The following PPM1L variants were observed in gnomAD, a reference collection of about 807,000 sequenced individuals.
PPM1L encodes protein phosphatase 1L.
Under a neutral mutation model 31.4 loss-of-function variants are expected in PPM1L, and 13 were observed. The ratio of observed to expected loss-of-function variants is 0.41; its 90% CI spans 0.27 to 0.66. PPM1L has a LOEUF of 0.66. PPM1L is among the 30% of genes least tolerant of loss of function. The pLI is 0.29. For synonymous variants in PPM1L, 184 were observed against 175.4 expected (o/e 1.05, Z -0.39); for missense variants, 326 against 453.7 (o/e 0.72, Z 2.56).
Position 161,036,158 on chromosome 3 carries a change from C to T in PPM1L, c.575-29245C>T, listed in dbSNP as rs553657172. On this transcript the variant is annotated intron_variant, in intron 2 of 3. Coordinates refer to ENST00000498165, the MANE Select transcript of PPM1L (RefSeq NM_139245.4). ...GAATAGCAGTTCCTCCTTGATCATC[C>T]TCTTCATATGGTATAATCACTAACT... is the stretch of plus-strand genomic sequence containing the variant. 2.6e-5 allele frequency: 4 copies of T among 152,252 alleles called. No individual in the cohort carries two copies. The South Asian group carries it at 8.3e-4, about 32-fold the overall frequency. The allele number at this position is 152,252 out of a possible 1,614,324, so 9.4% of individuals were successfully genotyped here.
intron 1 of PPM1L, among the ~76,000 whole-genome samples, chr3:160,868,028 A>G (rs867212109): frequency 1.6e-4 from 24 of 152,336 alleles, no homozygotes; most frequent in African/African-American, 5.5e-4. Flanking sequence ...GTGATGAAGA[A>G]ATATTAGCCT....
intron 1 of PPM1L, among the ~76,000 whole-genome samples, chr3:160,960,594 G>A (rs895685664): frequency 3.6e-5 from 3 of 84,320 alleles, no homozygotes; most frequent in African/African-American, 1.1e-4. Flanking sequence ...GTGTGTGTGT[G>A]TGTGTGTGAA....
chr3:160,987,452 A>G (rs1268827339), intron 2 of PPM1L, among the ~76,000 whole-genome samples: 2 of 152,236 alleles, frequency 1.3e-5, no homozygotes, highest in African/African-American at 2.4e-5. Flanking sequence ...ATATTTCACT[A>G]TACCCAAACT....
At chr3:160,813,083 G>A (rs938387524) in intron 1 of PPM1L, among the ~76,000 whole-genome samples, 1 of 152,086 alleles carries the variant, frequency 6.6e-6, no homozygotes, top group East Asian at 1.9e-4. Context: ...AGAAAACCCT[G>A]TTTTCTGGAT....
intron 1 of PPM1L, among the ~76,000 whole-genome samples, chr3:160,823,942 A>G (rs1445679950): frequency 6.6e-6 from 1 of 152,178 alleles, no homozygotes; most frequent in Non-Finnish European, 1.5e-5. Flanking sequence ...TGTGGACATA[A>G]TATCAAGAGA....
chr3:160,992,554 G>C (rs556103171), intron 2 of PPM1L, among the ~76,000 whole-genome samples: 3 of 152,216 alleles, frequency 2.0e-5, no homozygotes, highest in Non-Finnish European at 4.4e-5. Flanking sequence ...ACCTGATTAG[G>C]AATGGTTTGA....
chr3:161,058,709 G>A (rs1719492439), intron 2 of PPM1L, among the ~76,000 whole-genome samples: 1 of 152,062 alleles, frequency 6.6e-6, no homozygotes, highest in Non-Finnish European at 1.5e-5. Context: ...CACTCTGAAT[G>A]TTTGAAAATC....
intron 2 of PPM1L, among the ~76,000 whole-genome samples, chr3:161,031,313 A>C (rs996102709): frequency 6.6e-6 from 1 of 152,192 alleles, no homozygotes; most frequent in African/African-American, 2.4e-5. Context: ...GGAACAAACA[A>C]TTGTTGAGCA....
intron 1 of PPM1L, among the ~76,000 whole-genome samples, chr3:160,931,791 A>G (rs955512626): frequency 6.6e-6 from 1 of 152,204 alleles, no homozygotes; most frequent in African/African-American, 2.4e-5. Flanking sequence ...TTCTTCCAAA[A>G]TGTTTTCTTC....
intron 1 of PPM1L, among the ~76,000 whole-genome samples, chr3:160,763,759 T>TG (rs1325048244): frequency 6.6e-6 from 1 of 152,020 alleles, no homozygotes; most frequent in Non-Finnish European, 1.5e-5. Context: ...GATAGAAGTA[T>TG]GGGGGGAGAG....
rs1453312566 is a variant in PPM1L at position 160,986,683 on chromosome 3, C to T, written c.574+24773C>T. On this transcript the variant is annotated intron_variant, in intron 2 of 3. Coordinates refer to ENST00000498165, the MANE Select transcript of PPM1L (RefSeq NM_139245.4). ...TGTAACATCATTTCCTGCAGAGGGG[C>T]CTGGGAAGATAATTTAATCTTCCCT... 1.3e-5 allele frequency among the ~76,000 whole-genome samples: 2 copies of T among 152,166 alleles called. 1 individual carries two copies. Among genetic ancestry groups the T allele is most frequent in the Middle Eastern group, 6.3e-3 (2 of 316 alleles).
intron 1 of PPM1L, among the ~76,000 whole-genome samples, chr3:160,774,428 G>T (rs551729030): frequency 1.3e-5 from 2 of 152,006 alleles, no homozygotes; most frequent in East Asian, 3.9e-4. Flanking sequence ...TCTTCAATCC[G>T]CTCAGTGATG....
chr3:160,773,759 C>A lies in PPM1L; in HGVS notation c.399+17052C>A, dbSNP rs574608968. ...TTGAGTTTTTGAAGATCTCTAGGAG[C>A]CTCATACTTGTCATATGTGAGCCTG... On this transcript the variant is annotated intron_variant, in intron 1 of 3. Coordinates refer to ENST00000498165, the MANE Select transcript of PPM1L (RefSeq NM_139245.4). Among the ~76,000 whole-genome samples the A allele has an allele frequency of 2.0e-5, 3 of 152,252 alleles. No individual in the cohort carries two copies. In the East Asian group the frequency reaches 5.8e-4, roughly 29 times the overall value.
chr3:160,982,014 C>A (rs1716816604), intron 2 of PPM1L, among the ~76,000 whole-genome samples: 1 of 152,102 alleles, frequency 6.6e-6, no homozygotes, highest in Non-Finnish European at 1.5e-5. Flanking sequence ...GATCCACCTG[C>A]CTTGGCCTCC....
intron 1 of PPM1L, among the ~76,000 whole-genome samples, chr3:160,921,085 T>A (rs1714386701): frequency 6.6e-6 from 1 of 152,242 alleles, no homozygotes; most frequent in South Asian, 2.1e-4. Context: ...TCCTGAAATT[T>A]AAGTTAGGCA....
intron 1 of PPM1L, among the ~76,000 whole-genome samples, chr3:160,891,181 A>G (rs1316217187): frequency 1.3e-5 from 2 of 152,216 alleles, no homozygotes; most frequent in Admixed American, 1.3e-4. Context: ...CATCAGAGTG[A>G]ACAGGTAACC....
At chr3:160,854,978 A>G (rs1458723020) in intron 1 of PPM1L, among the ~76,000 whole-genome samples, 1 of 152,066 alleles carries the variant, frequency 6.6e-6, no homozygotes, top group African/African-American at 2.4e-5. Flanking sequence ...AAACTATACT[A>G]CAAGGCTATA....
intron 1 of PPM1L, among the ~76,000 whole-genome samples, chr3:160,955,136 G>A (rs1018352216): frequency 2.4e-4 from 37 of 151,624 alleles, no homozygotes; most frequent in Admixed American, 1.8e-3. Flanking sequence ...TTAGCCTCCC[G>A]AGTAGCTGGG....
At chr3:160,944,913 AATATATAGTGGAG>A (rs1449205289) in intron 1 of PPM1L, among the ~76,000 whole-genome samples, 7 of 74,940 alleles carry the variant, frequency 9.3e-5, no homozygotes, top group African/African-American at 3.4e-4. Context: ...TTACATATAT[AATATATAGTGGAG>A]ATATATATAT....
Sources: allele counts gnomAD v4.1 joint callset (sites outside exome capture counted in the v4.1 genomes callset), GRCh38; gene constraint gnomAD v4.1.1; transcripts MANE v1.5; gene names NCBI Gene and HGNC (gene_info 2026-07-23, HGNC 2026-07-21).